The following SH3TC1 variants were observed in gnomAD, a reference collection of about 807,000 sequenced individuals.
SH3TC1 encodes SH3 domain and tetratricopeptide repeats 1.
SH3TC1 carries 135 observed loss-of-function variants against 117.3 expected under a neutral mutation model. That is an observed-to-expected ratio of 1.15 (90% CI 1.00 to 1.33). SH3TC1 has a LOEUF of 1.33. Ranked by LOEUF, SH3TC1 falls within the 40% of genes most tolerant of loss-of-function variation. The probability of loss-of-function intolerance (pLI) is 0.00; values close to 1 mark genes in which losing one functional copy is unlikely to be tolerated. For missense variants in SH3TC1, 2,092 were observed against 1,794.3 expected, an observed-to-expected ratio of 1.17 and a Z score of -3.00; for synonymous variants, 898 against 816.9, an observed-to-expected ratio of 1.10 and a Z score of -1.69.
chr4:8,215,343 T>C, intron 5 of SH3TC1: 1 of 437,744 alleles, frequency 2.3e-6, no homozygotes, highest in Non-Finnish European at 4.7e-6. Context: ...ATTTGAGGGC[T>C]AAGTGAGTTA....
chr4:8,228,617 G>A lies in SH3TC1; in HGVS notation c.2923G>A (p.Val975Ile). 1.3e-6 allele frequency: 2 copies of A among 1,525,492 alleles called. No individual in the cohort carries two copies. Among genetic ancestry groups the A allele is most frequent in the South Asian group, 1.3e-5 (1 of 77,102 alleles). The allele number at this position is 1,525,492 out of a possible 1,614,324, so 94.5% of individuals were successfully genotyped here. A position where few individuals can be genotyped will look rare whatever the true frequency, so the allele number is the denominator to read the frequency against. Residue 975 changes from valine to isoleucine, a missense_variant, in exon 12 of 18, where the codon GTC (valine) becomes ATC (isoleucine). Transcript: ENST00000245105. ...GGGCTACTACGAGTGGGCCCTTCTG[G>A]TCGCCGTGGAGATGGGCCACGTGGA... ...GKGYYEWALL[V>I]AVEMGHVESQ...
upstream of SH3TC1, among the ~76,000 whole-genome samples, chr4:8,197,395 GTGAC>G (rs763287959): frequency 4.3e-4 from 66 of 152,318 alleles, no homozygotes; most frequent in Middle Eastern, 3.4e-3. Flanking sequence ...AACTGATAGA[GTGAC>G]TGCCCCTCGA....
At position 8,186,421 on chromosome 4, in the gene SH3TC1, G is replaced by A. The variant is rs191690698; in HGVS notation, c.-57+4211G>A. 9.8e-4 allele frequency among the ~76,000 whole-genome samples: 150 copies of A among 152,308 alleles called. No homozygotes were observed. The highest frequency in any genetic ancestry group is 2.9e-3 in the African/African-American group (119 of 41,566). ...CGTGGTGTCCCCCATGGGCTTCTGCGTGGAGCAGAAGACGGATGTTAGGGG... is the reference window on the plus strand; with the variant it reads ...CGTGGTGTCCCCCATGGGCTTCTGCATGGAGCAGAAGACGGATGTTAGGGG... On this transcript the variant is annotated intron_variant, in intron 1 of 16. Coordinates refer to the SH3TC1 transcript ENST00000508641. This position sits in a 1 kb window ranked among gnomAD's most constrained non-coding sequence, Gnocchi z 5.2.
upstream of SH3TC1, among the ~76,000 whole-genome samples, chr4:8,198,647 G>A (rs377526595): frequency 1.2e-4 from 18 of 152,226 alleles, no homozygotes; most frequent in African/African-American, 3.1e-4. Flanking sequence ...GCCTGGAGAC[G>A]GTGGGAGGGT....
chr4:8,228,766 ACAG>A (rs1229982943), intron 12 of SH3TC1, 122 bp downstream of exon 12: 5 of 864,490 alleles, frequency 5.8e-6, no homozygotes, highest in Non-Finnish European at 8.4e-6. Flanking sequence ...GTCATGGCAA[ACAG>A]CAGATGTTGG....
At chr4:8,203,830 C>A (rs1373098632) in intron 1 of SH3TC1, among the ~76,000 whole-genome samples, 1 of 152,174 alleles carries the variant, frequency 6.6e-6, no homozygotes, top group East Asian at 1.9e-4. Context: ...GTCCTCTGTC[C>A]CTGACTGCAG....
chr4:8,208,088 C>T (rs1355614425), intron 2 of SH3TC1, among the ~76,000 whole-genome samples: 1 of 152,214 alleles, frequency 6.6e-6, no homozygotes, highest in Non-Finnish European at 1.5e-5. Flanking sequence ...CCTCTACCAT[C>T]CTCCACCTGG....
chr4:8,227,921 G>C lies in SH3TC1; in HGVS notation c.2227G>C (p.Gly743Arg), dbSNP rs1314933239. The C allele has an allele frequency of 6.8e-6, 11 of 1,612,486 alleles. No homozygotes were observed. Among genetic ancestry groups the C allele is most frequent in the Non-Finnish European group, 9.3e-6 (11 of 1,179,960 alleles). The change falls in exon 12 of 18, where the codon GGC becomes CGC. Residue 743 changes from glycine to arginine, a missense_variant. Coordinates refer to ENST00000245105, the MANE Select transcript of SH3TC1 (RefSeq NM_018986.5). ...ASLRTRGSLA[G>R]SLRSVNLVLQ... is the part of the protein sequence containing the mutation. ...ATTGCGGACACGGGGCTCGCTGGCCGGCTCGCTGAGGAGTGTGAACCTGGT... is the reference window on the plus strand; with the variant it reads ...ATTGCGGACACGGGGCTCGCTGGCCCGCTCGCTGAGGAGTGTGAACCTGGT...
chr4:8,193,282 C>T (rs1288310460), intron 1 of SH3TC1, among the ~76,000 whole-genome samples: 1 of 152,202 alleles, frequency 6.6e-6, no homozygotes, highest in Non-Finnish European at 1.5e-5. Context: ...AGCCTCTAGC[C>T]CCTGGCCTCC....
At chr4:8,233,262 C>A in intron 13 of SH3TC1, 101 bp from the exon 14 acceptor site, 1 of 1,492,798 alleles carries the variant, frequency 6.7e-7, no homozygotes, top group East Asian at 2.3e-5. Context: ...GGGCCGTTCC[C>A]AGTCCCATTC....
intron 5 of SH3TC1, among the ~76,000 whole-genome samples, chr4:8,214,902 T>A (rs888893502): frequency 2.0e-5 from 3 of 152,174 alleles, no homozygotes; most frequent in African/African-American, 7.2e-5. Context: ...ACCAAGCTGA[T>A]CTCAAACTCC....
At chr4:8,236,102 C>G (rs1721788787) in intron 15 of SH3TC1, 176 bp from the exon 16 acceptor site, 1 of 775,238 alleles carries the variant, frequency 1.3e-6, no homozygotes, top group African/African-American at 1.8e-5. Flanking sequence ...CCTCAGGTGA[C>G]TCTTCAGCCC....
In SH3TC1 at chr4:8,219,432, G is replaced by T; in HGVS notation, c.1014G>T (p.Gln338His). Residue 338 changes from glutamine (Q) to histidine (H), a missense_variant, in exon 9 of 18, where the codon CAG becomes CAT. Transcript: ENST00000245105. ...ACCTCATCGAGATCCTTGGGGCGCA[G>T]GTGCCCAGCCTGCCCTGGTGCGTGG... is the stretch of plus-strand genomic sequence containing the variant. ...GGDLIEILGA[Q>H]VPSLPWCVGR... 6.2e-7 allele frequency: 1 copy of T among 1,611,734 alleles called. No individual in the cohort carries two copies.
rs1554130807 is a variant in SH3TC1 at position 8,191,991 on chromosome 4, A to ATTTATTTG, written c.-57+9788_-57+9789insGTTTATTT. 3.5e-3 allele frequency among the ~76,000 whole-genome samples: 115 copies of ATTTATTTG among 32,910 alleles called. 1 individual carries two copies. The highest frequency in any genetic ancestry group is 8.6e-3 in the African/African-American group (113 of 13,098). 21.6% of individuals were successfully genotyped at this position (32,910 alleles called of 152,430 possible). On this transcript the variant is annotated intron_variant, in intron 1 of 16. Coordinates refer to the SH3TC1 transcript ENST00000508641. ...TATTTATTTATTTATTTATTTATTTATTTATTTATTATTTTTGAGACGGAG... is the reference window on the plus strand; with the variant it reads ...TATTTATTTATTTATTTATTTATTTATTTATTTGTTTATTTATTATTTTTGAGACGGAG...
rs144449036 is a variant in SH3TC1, at chr4:8,209,749, C to A, written c.174C>A (p.Asp58Glu). The A allele has an allele frequency of 7.9e-5, 127 of 1,613,624 alleles. No individual in the cohort carries two copies. Among genetic ancestry groups the A allele is most frequent in the Admixed American group, 5.8e-4 (35 of 59,982 alleles). Residue 58 changes from aspartate (D) to glutamate (E), a missense_variant and splice_region_variant, in exon 3 of 18, where the codon GAC (aspartate) becomes GAA (glutamate). Physicochemically the swap from Asp to Glu is conservative, Grantham distance 45. Coordinates refer to ENST00000245105, the MANE Select transcript of SH3TC1 (RefSeq NM_018986.5). This position sits in a 1 kb window ranked among gnomAD's most constrained non-coding sequence, Gnocchi z 5.9. ...PEEAKAPVRG[D>E]EAPPARVAGP... is the part of the protein sequence containing the mutation. Reference sequence around the variant, plus strand: ...TCCTGGGAACCTGCTGTGTTGCAGACGAGGCTCCTCCTGCCCGCGTGGCTG... The same window carrying A: ...TCCTGGGAACCTGCTGTGTTGCAGAAGAGGCTCCTCCTGCCCGCGTGGCTG...
Position 8,232,064 on chromosome 4 carries a change from G to A in SH3TC1, c.3039G>A (p.Gln1013=). The part of the protein sequence containing the change: ...EAQCVIYHEL[Q]LSLACKVADK... ...AGTGTGTCATCTACCATGAGCTCCA[G>A]CTCTCCCTGGCCTGCAAGGTGGCCG... The change falls in exon 13 of 18, where the codon CAG becomes CAA. Residue 1013 remains glutamine (Q), a synonymous_variant. Transcript: ENST00000245105. The A allele has an allele frequency of 6.2e-7, 1 of 1,613,490 alleles. No homozygotes were observed. The highest frequency in any genetic ancestry group is 8.5e-7 in the Non-Finnish European group (1 of 1,180,018).
In SH3TC1 at chr4:8,210,008, G is replaced by A. The variant is rs976787052; in HGVS notation, c.247+186G>A. On this transcript the variant is annotated intron_variant, in intron 3 of 17. Coordinates refer to ENST00000245105, the MANE Select transcript of SH3TC1 (RefSeq NM_018986.5). The surrounding 1 kb of genome is among the most constrained non-coding windows in gnomAD (Gnocchi z 4.1). Reference sequence around the variant, plus strand: ...TGCCCAGGTCCTGCACCCAGAGGGGGACATGGCCCCTGGGGCTCCCCTAGG... The same window carrying A: ...TGCCCAGGTCCTGCACCCAGAGGGGAACATGGCCCCTGGGGCTCCCCTAGG... Among the ~76,000 whole-genome samples the A allele has an allele frequency of 2.6e-5, 4 of 152,200 alleles. No homozygotes were observed. The highest frequency in any genetic ancestry group is 2.1e-4 in the South Asian group (1 of 4,828).
chr4:8,217,627 G>A (rs1719429291), intron 7 of SH3TC1, among the ~76,000 whole-genome samples: 2 of 152,218 alleles, frequency 1.3e-5, no homozygotes, highest in South Asian at 4.1e-4. Flanking sequence ...AAAGCAAAGA[G>A]AGAACCTCAA....
chr4:8,237,425 G>A (rs1721917013), intron 16 of SH3TC1, 49 bp from the exon 17 acceptor site: 2 of 1,439,082 alleles, frequency 1.4e-6, no homozygotes, highest in Middle Eastern at 2.5e-4. Context: ...CTGCATGCCT[G>A]CCCCGGGGAG....
Sources: allele counts gnomAD v4.1 joint callset (sites outside exome capture counted in the v4.1 genomes callset), GRCh38; gene constraint gnomAD v4.1.1; non-coding constraint Gnocchi (gnomAD v3.1); transcripts MANE v1.5; gene names NCBI Gene and HGNC (gene_info 2026-07-23, HGNC 2026-07-21).